Variants in NOTCH3 observed in about 807,000 individuals in gnomAD.
The protein encoded by NOTCH3 is notch receptor 3, also known as neurogenic locus notch homolog protein 3.
In NOTCH3, 86 loss-of-function variants were observed where a neutral mutation model predicts 213.3. The observed-to-expected ratio is 0.40, with a 90% CI of 0.34 to 0.48. NOTCH3 has a LOEUF of 0.48. Ranked by LOEUF, NOTCH3 falls within the 20% of genes least tolerant of loss-of-function variation. NOTCH3 has a pLI of 0.57. For missense variants in NOTCH3, 2,783 were observed against 3,272.6 expected (o/e 0.85, Z 3.65); for synonymous variants, 1,354 against 1,355.9 (o/e 1.00, Z 0.03).
At chr19:15,195,857 G>A (rs1290390689) in intron 2 of NOTCH3, among the ~76,000 whole-genome samples, 2 of 151,906 alleles carry the variant, frequency 1.3e-5, no homozygotes, top group East Asian at 2.0e-4. Flanking sequence ...GACCGGTCGG[G>A]CCGGTTCCAG....
In NOTCH3 at chr19:15,179,084, C is replaced by T. The variant is rs370233852; in HGVS notation, c.3659G>A (p.Arg1220Gln). The T allele has an allele frequency of 2.3e-5, 37 of 1,614,058 alleles. No individual in the cohort carries two copies. The highest frequency in any genetic ancestry group is 1.5e-4 in the Admixed American group (9 of 60,002). Residue 1220 changes from arginine (R) to glutamine (Q), a missense_variant, in exon 22 of 33, where the codon CGG (arginine) becomes CAG (glutamine). Arg to Gln is a conservative substitution (Grantham distance 43, BLOSUM62 1). This residue lies in a region of NOTCH3 where 861 missense variants were observed against 909.1 expected (regional missense o/e 0.95). Coordinates refer to ENST00000263388, the MANE Select transcript of NOTCH3 (RefSeq NM_000435.3). ...TCCGCCTGGGTCCTGCAGGCAGTCC[C>T]GGGTGTGTGCCGCGTGGCAGGCACC... is the stretch of plus-strand genomic sequence containing the variant. ...RSGACHAAHTRDCLQDPGGGF... is the reference protein window; with the variant it reads ...RSGACHAAHTQDCLQDPGGGF...
At chr19:15,196,449 T>C (rs893696021) in intron 2 of NOTCH3, among the ~76,000 whole-genome samples, 1 of 151,872 alleles carries the variant, frequency 6.6e-6, no homozygotes, top group Non-Finnish European at 1.5e-5. Flanking sequence ...AAAATAAATG[T>C]AGGTGTAACT....
At chr19:15,169,867 A>AGGG (rs2046716231) in intron 28 of NOTCH3, among the ~76,000 whole-genome samples, 1 of 152,086 alleles carries the variant, frequency 6.6e-6, no homozygotes, top group South Asian at 2.1e-4. Flanking sequence ...ACCTGCCCGG[A>AGGG]GGGACCCTTG....
intron 6 of NOTCH3, among the ~76,000 whole-genome samples, chr19:15,191,123 T>A (rs1026465984): frequency 6.6e-6 from 1 of 151,796 alleles, no homozygotes; most frequent in African/African-American, 2.4e-5. Context: ...AATCTCCACC[T>A]CCTGGGTTCA....
At position 15,170,297 on chromosome 19, in the gene NOTCH3, G is replaced by T. The variant is rs200572331; in HGVS notation, c.5114+34C>A. ...GGGGTCCAGGGTTCACAAGGTCCCCGTAGTCAGGGACAGGGAGCGAGCAGG... is the reference window on the plus strand; with the variant it reads ...GGGGTCCAGGGTTCACAAGGTCCCCTTAGTCAGGGACAGGGAGCGAGCAGG... On this transcript the variant is annotated intron_variant, in intron 27 of 32. Transcript: ENST00000263388. The T allele has an allele frequency of 9.4e-5, 149 of 1,591,322 alleles. No individual in the cohort carries two copies. In the African/African-American group the frequency reaches 1.8e-3, roughly 19 times the overall value.
chr19:15,170,687 T>C lies in NOTCH3; in HGVS notation c.4875A>G (p.Pro1625=). 3.2e-6 allele frequency: 5 copies of C among 1,580,110 alleles called. No homozygotes were observed. The highest frequency in any genetic ancestry group is 2.0e-4 in the Middle Eastern group (1 of 5,052). Residue 1625 remains proline, a synonymous_variant, in exon 26 of 33, where the codon CCA becomes CCG. Coordinates refer to ENST00000263388, the MANE Select transcript of NOTCH3 (RefSeq NM_000435.3). Reference sequence around the variant, plus strand: ...GGGCCGCACCCCGCACGTCCCGCAGTGGGTACGGGAAGTCCAGGCGCTCCA... The same window carrying C: ...GGGCCGCACCCCGCACGTCCCGCAGCGGGTACGGGAAGTCCAGGCGCTCCA... ...SAVERLDFPY[P]LRDVRGEPLE... is the part of the protein sequence containing the mutation.
At chr19:15,193,324 C>T (rs911900407) in intron 2 of NOTCH3, among the ~76,000 whole-genome samples, 1 of 151,886 alleles carries the variant, frequency 6.6e-6, no homozygotes, top group Non-Finnish European at 1.5e-5. Flanking sequence ...GCAACCTCCA[C>T]CTCCCGGGGT....
intron 20 of NOTCH3, chr19:15,179,775 T>A (rs1568355272): frequency 1.7e-6 from 1 of 586,200 alleles, no homozygotes; most frequent in Admixed American, 3.0e-5. Context: ...CCAGCTATAA[T>A]GAGAGGCTGA....
Position 15,167,338 on chromosome 19 carries a change from G to T in NOTCH3, c.5273C>A (p.Ala1758Asp). Residue 1758 changes from alanine to aspartate, a missense_variant, in exon 29 of 33, where the codon GCT (alanine) becomes GAT (aspartate). Ala to Asp is a moderately radical substitution (Grantham distance 126). Around this residue, in one of 6 missense-constraint regions of NOTCH3, gnomAD observed 636 missense variants for 801.8 expected, o/e 0.79. Coordinates refer to ENST00000263388, the MANE Select transcript of NOTCH3 (RefSeq NM_000435.3). ...CATGGCTGGTGCCACGCGGATGTCA[G>T]CAGCAACCAGATGGTGTTGAGTCCA... is the stretch of plus-strand genomic sequence containing the variant. ...RQWTQHHLVA[A>D]DIRVAPAMAL... The T allele has an allele frequency of 6.2e-7, 1 of 1,612,902 alleles. No homozygotes were observed.
chr19:15,188,021 G>A (rs2145434557), intron 9 of NOTCH3, 27 bp from the exon 10 acceptor site: 4 of 1,521,710 alleles, frequency 2.6e-6, no homozygotes, highest in Non-Finnish European at 3.6e-6. Context: ...GATGAGCAGA[G>A]GCCCAGAAAG....
intron 16 of NOTCH3, 43 bp downstream of exon 16, chr19:15,184,250 CTG>C (rs2046863205): frequency 1.9e-6 from 3 of 1,588,132 alleles, no homozygotes; most frequent in South Asian, 1.1e-5. Context: ...AGCTTAATGA[CTG>C]TGTTCCCCAG....
At position 15,180,112 on chromosome 19, in the gene NOTCH3, C is replaced by T. The variant is rs752861238; in HGVS notation, c.3287G>A (p.Gly1096Glu). The change falls in exon 20 of 33, where the codon GGG (glycine) becomes GAG (glutamate). Residue 1096 changes from glycine to glutamate, a missense_variant. This residue lies in a region of NOTCH3 where 861 missense variants were observed against 909.1 expected (regional missense o/e 0.95). Transcript: ENST00000263388. ...DPCLAQPCQH[G>E]GTCRGYMGGY... Reference sequence around the variant, plus strand: ...CCCCATATAGCCACGGCAGGTCCCCCCATGCTGGCAGGGCTGGGCCAAGCA... The same window carrying T: ...CCCCATATAGCCACGGCAGGTCCCCTCATGCTGGCAGGGCTGGGCCAAGCA... 1.2e-6 allele frequency: 2 copies of T among 1,612,854 alleles called. No homozygotes were observed. The highest frequency in any genetic ancestry group is 2.7e-5 in the African/African-American group (2 of 74,846).
At position 15,189,019 on chromosome 19, in the gene NOTCH3, T is replaced by C. The variant is rs2046906636; in HGVS notation, c.1348A>G (p.Ile450Val). Residue 450 changes from isoleucine to valine, a missense_variant, in exon 8 of 33, where the codon ATA (isoleucine) becomes GTA (valine). By Grantham distance (29) the Ile-to-Val change is conservative. This residue lies in a region of NOTCH3 where 708 missense variants were observed against 906.6 expected (regional missense o/e 0.78). Coordinates refer to ENST00000263388, the MANE Select transcript of NOTCH3 (RefSeq NM_000435.3). The part of the protein sequence containing the change: ...CRNQATCLDR[I>V]GQFTCICMAG... Reference sequence around the variant, plus strand: ...ATACAGATACAGGTGAACTGGCCTATGCGGTCGAGGCACGTGGCCTGGTTT... The same window carrying C: ...ATACAGATACAGGTGAACTGGCCTACGCGGTCGAGGCACGTGGCCTGGTTT... The C allele has an allele frequency of 6.2e-7, 1 of 1,612,292 alleles. No individual in the cohort carries two copies. Among genetic ancestry groups the C allele is most frequent in the Non-Finnish European group, 8.5e-7 (1 of 1,179,658 alleles).
rs753330352 is a variant in NOTCH3, at chr19:15,181,122, A to T, written c.2833T>A (p.Ser945Thr). Residue 945 changes from serine to threonine, a missense_variant, in exon 18 of 33, where the codon TCG becomes ACG. By Grantham distance (58) the Ser-to-Thr change is moderately conservative (BLOSUM62 1). Coordinates refer to ENST00000263388, the MANE Select transcript of NOTCH3 (RefSeq NM_000435.3). Reference sequence around the variant, plus strand: ...CCGGGACGGCACAGGCAGCTGAACGAGTTCACGCCGTCCACACAGGTCCCG... The same window carrying T: ...CCGGGACGGCACAGGCAGCTGAACGTGTTCACGCCGTCCACACAGGTCCCG... Reference protein sequence around the residue: ...NGGTCVDGVNSFSCLCRPGYT... With the variant: ...NGGTCVDGVNTFSCLCRPGYT... 19 of 1,608,846 alleles carry T rather than the reference A, an allele frequency of 1.2e-5. No individual in the cohort carries two copies. The highest frequency in any genetic ancestry group is 1.4e-5 in the Non-Finnish European group (16 of 1,178,420).
rs375588247 is a variant in NOTCH3, at chr19:15,168,360, T to C, written c.5200-949A>G. ...CTGTCCACTGTAATAGATGATTCCATTTCACAACATTAAAATATGGACAGA... is the reference window on the plus strand; with the variant it reads ...CTGTCCACTGTAATAGATGATTCCACTTCACAACATTAAAATATGGACAGA... On this transcript the variant is annotated intron_variant, in intron 28 of 32. Coordinates refer to ENST00000263388, the MANE Select transcript of NOTCH3 (RefSeq NM_000435.3). 4.8e-4 allele frequency among the ~76,000 whole-genome samples: 73 copies of C among 152,278 alleles called. 1 individual carries two copies. In the South Asian group the frequency reaches 5.2e-3, roughly 11 times the overall value.
At position 15,160,639 on chromosome 19, in the gene NOTCH3, A is replaced by T. The variant is rs73504084; in HGVS notation, c.*23T>A. 1.7e-3 allele frequency: 2,657 copies of T among 1,594,928 alleles called. 46 individuals carry two copies. In the African/African-American group the frequency reaches 0.032, roughly 19 times the overall value. Reference sequence around the variant, plus strand: ...GGACGGGGGTCTCTTTAGGCCCCCAAGATCTAAGAACTGACGAGCGTCTCA... The same window carrying T: ...GGACGGGGGTCTCTTTAGGCCCCCATGATCTAAGAACTGACGAGCGTCTCA... On this transcript the variant is annotated 3_prime_UTR_variant, in exon 33 of 33. Transcript: ENST00000263388.
chr19:15,183,652 G>A (rs182323306), intron 16 of NOTCH3, among the ~76,000 whole-genome samples: 1 of 152,268 alleles, frequency 6.6e-6, no homozygotes, highest in Admixed American at 6.5e-5. Context: ...GCCCACCTTG[G>A]CCTCCCAAAG....
At chr19:15,191,166 T>A (rs2046923664) in intron 6 of NOTCH3, among the ~76,000 whole-genome samples, 1 of 152,138 alleles carries the variant, frequency 6.6e-6, no homozygotes, top group African/African-American at 2.4e-5. Context: ...CCTGAGAGAC[T>A]TGGATTACAG....
At chr19:15,182,634 CTTTTAT>C (rs1004666193) in intron 16 of NOTCH3, among the ~76,000 whole-genome samples, 84 of 150,568 alleles carry the variant, frequency 5.6e-4, no homozygotes, top group African/African-American at 2.0e-3. Flanking sequence ...TATTTATTTA[CTTTTAT>C]TTTTATTTTT....
Sources: gnomAD v4.1 joint callset for allele counts (sites outside exome capture counted in the v4.1 genomes callset) on GRCh38, gnomAD v4.1.1 for gene constraint, gnomAD v4.1.1 regional missense constraint, MANE v1.5 for transcripts, NCBI Gene and HGNC (gene_info 2026-07-23, HGNC 2026-07-21) for gene names.